The following NALCN variants were observed in gnomAD, a reference collection of about 807,000 sequenced individuals.
NALCN encodes sodium leak channel, non-selective, also known as sodium leak channel NALCN.
Under a neutral mutation model 225.3 loss-of-function variants are expected in NALCN, and 111 were observed. The observed-to-expected ratio is 0.49, with a 90% CI of 0.42 to 0.58. NALCN has a LOEUF of 0.58. NALCN is among the 20% of genes least tolerant of loss of function. The pLI is 0.00. For synonymous variants in NALCN, 764 were observed against 769.0 expected, an observed-to-expected ratio of 0.99 and a Z score of 0.11; for missense variants, 1,378 against 2,202.4, an observed-to-expected ratio of 0.63 and a Z score of 7.49.
intron 14 of NALCN, among the ~76,000 whole-genome samples, chr13:101,189,218 A>C (rs896563651): frequency 3.3e-5 from 5 of 152,200 alleles, no homozygotes; most frequent in African/African-American, 9.7e-5. Context: ...TGGAAAATGA[A>C]TTTATATTAA....
intron 15 of NALCN, among the ~76,000 whole-genome samples, chr13:101,149,141 A>T (rs914665796): frequency 2.6e-5 from 4 of 152,110 alleles, no homozygotes; most frequent in African/African-American, 9.7e-5. Context: ...AAAATACAAA[A>T]AATTAGCTGG....
intron 10 of NALCN, among the ~76,000 whole-genome samples, chr13:101,263,915 T>C (rs968531401): frequency 4.6e-5 from 7 of 152,242 alleles, no homozygotes; most frequent in Non-Finnish European, 8.8e-5. Context: ...TGCTTGAAAC[T>C]GGCTATCAGT....
intron 3 of NALCN, among the ~76,000 whole-genome samples, chr13:101,391,165 A>C (rs2047133281): frequency 6.6e-6 from 1 of 152,156 alleles, no homozygotes; most frequent in South Asian, 2.1e-4. Flanking sequence ...GGCTAACCTA[A>C]AACAAAATGG....
intron 15 of NALCN, among the ~76,000 whole-genome samples, chr13:101,158,775 T>C (rs2038027450): frequency 6.6e-6 from 1 of 152,164 alleles, no homozygotes; most frequent in East Asian, 1.9e-4. Flanking sequence ...CTCCTACAAG[T>C]GATTCTCTGG....
At chr13:101,136,250 A>G (rs1317633654) in intron 17 of NALCN, among the ~76,000 whole-genome samples, 2 of 152,234 alleles carry the variant, frequency 1.3e-5, no homozygotes, top group Non-Finnish European at 2.9e-5. Context: ...TGCAAAGACC[A>G]GTAAGAAGAA....
chr13:101,181,297 G>C (rs1369231771), intron 14 of NALCN: 1 of 518,990 alleles, frequency 1.9e-6, no homozygotes, highest in Admixed American at 1.9e-5. Flanking sequence ...GGATGGACAG[G>C]CGTCTTGAGT....
chr13:101,415,369 G>A (rs1334835496), intron 1 of NALCN, among the ~76,000 whole-genome samples: 1 of 151,990 alleles, frequency 6.6e-6, no homozygotes, highest in Non-Finnish European at 1.5e-5. Context: ...ATGACCACAC[G>A]AACACCAGAT....
At chr13:101,371,571 T>C (rs919387973) in intron 6 of NALCN, among the ~76,000 whole-genome samples, 11 of 152,192 alleles carry the variant, frequency 7.2e-5, no homozygotes, top group African/African-American at 2.4e-4. Flanking sequence ...TTGTGATATT[T>C]GTACCATCCT....
chr13:101,260,242 C>T (rs1354697606), intron 10 of NALCN, among the ~76,000 whole-genome samples: 2 of 152,164 alleles, frequency 1.3e-5, no homozygotes, highest in African/African-American at 2.4e-5. Context: ...CTCCATTACG[C>T]ATATGTACTG....
intron 1 of NALCN, among the ~76,000 whole-genome samples, chr13:101,413,924 G>A (rs139495572): frequency 1.1e-3 from 173 of 152,150 alleles, no homozygotes; most frequent in Non-Finnish European, 1.7e-3. Context: ...GTGCCCAGTC[G>A]CCCATTCTAG....
intron 9 of NALCN, among the ~76,000 whole-genome samples, chr13:101,287,871 C>A (rs879620994): frequency 1.3e-5 from 2 of 152,142 alleles, no homozygotes; most frequent in Non-Finnish European, 2.9e-5. Flanking sequence ...AACAGGTTAT[C>A]TAATGGATAG....
At chr13:101,070,582 T>C (rs1279758963) in intron 37 of NALCN, among the ~76,000 whole-genome samples, 1 of 152,226 alleles carries the variant, frequency 6.6e-6, no homozygotes, top group Non-Finnish European at 1.5e-5. Flanking sequence ...TTAATCTCCT[T>C]ATACATCTCC....
At chr13:101,173,206 C>G (rs1236753481) in intron 15 of NALCN, among the ~76,000 whole-genome samples, 4 of 152,218 alleles carry the variant, frequency 2.6e-5, no homozygotes, top group African/African-American at 9.6e-5. Flanking sequence ...CCGCTATTCT[C>G]AGAAACTGTC....
chr13:101,064,747 C>A (rs549869603), intron 40 of NALCN, among the ~76,000 whole-genome samples: 4 of 152,110 alleles, frequency 2.6e-5, no homozygotes, highest in Non-Finnish European at 5.9e-5. Context: ...ACCTCCATCT[C>A]GGGCTTCCAG....
At chr13:101,232,450 CT>C (rs11400612) in intron 12 of NALCN, among the ~76,000 whole-genome samples, 2,534 of 142,592 alleles carry the variant, frequency 0.018, 74 homozygotes, top group African/African-American at 0.061. Context: ...CTTTTCTTTT[CT>C]TTTTTTTTTT....
intron 7 of NALCN, among the ~76,000 whole-genome samples, chr13:101,299,618 T>A (rs2043879739): frequency 6.6e-6 from 1 of 152,198 alleles, no homozygotes; most frequent in Admixed American, 6.5e-5. Context: ...AACAGCTCAG[T>A]AGCCTCTACA....
intron 3 of NALCN, among the ~76,000 whole-genome samples, chr13:101,394,884 C>T (rs1032804033): frequency 2.5e-4 from 38 of 152,330 alleles, no homozygotes; most frequent in African/African-American, 8.9e-4. Flanking sequence ...GTTGTGGGCT[C>T]AGCCCTAAGT....
chr13:101,162,561 C>T (rs2038240489), intron 15 of NALCN, among the ~76,000 whole-genome samples: 1 of 152,180 alleles, frequency 6.6e-6, no homozygotes, highest in Non-Finnish European at 1.5e-5. Context: ...AATCTTAACA[C>T]AACTATAAGA....
Position 101,089,984 on chromosome 13 carries a change from G to A in NALCN, c.3270-18C>T, listed in dbSNP as rs1188850531. On this transcript the variant is annotated intron_variant, in intron 28 of 43. Transcript: ENST00000251127. This position sits in a 1 kb window ranked among gnomAD's most constrained non-coding sequence, Gnocchi z 4.7. ...GATTCGCCCTGCGATTCCAATACAG[G>A]AATGTTCTGTGAAATTCCAATAAGC... 1 of 1,613,418 alleles carries A rather than the reference G, an allele frequency of 6.2e-7. No homozygotes were observed. Among genetic ancestry groups the A allele is most frequent in the African/African-American group, 1.3e-5 (1 of 74,878 alleles).
Sources: allele counts gnomAD v4.1 joint callset (sites outside exome capture counted in the v4.1 genomes callset), GRCh38; gene constraint gnomAD v4.1.1; non-coding constraint Gnocchi (gnomAD v3.1); transcripts MANE v1.5; gene names NCBI Gene and HGNC (gene_info 2026-07-23, HGNC 2026-07-21).